DLGAP1: variants seen among roughly 807,000 people sequenced by gnomAD.
DLGAP1 encodes the protein disks large-associated protein 1.
Under a neutral mutation model 90.8 loss-of-function variants are expected in DLGAP1, and 11 were observed. The observed-to-expected ratio is 0.12, with a 90% CI of 0.08 to 0.20. The LOEUF (loss-of-function observed/expected upper bound fraction) is 0.20. DLGAP1 is among the 10% of genes least tolerant of loss of function. The probability of loss-of-function intolerance (pLI) is 1.00; values close to 1 mark genes in which losing one functional copy is unlikely to be tolerated. For missense variants in DLGAP1, 1,050 were observed against 1,333.8 expected, an observed-to-expected ratio of 0.79 and a Z score of 3.31; for synonymous variants, 558 against 540.7, an observed-to-expected ratio of 1.03 and a Z score of -0.44.
chr18:4,094,718 C>T (rs2075648586), intron 2 of DLGAP1, among the ~76,000 whole-genome samples: 1 of 151,504 alleles, frequency 6.6e-6, no homozygotes, highest in Non-Finnish European at 1.5e-5. Flanking sequence ...CTGCCTCAAC[C>T]TCCCAAGTAG....
chr18:4,259,495 G>A (rs2145252238), intron 1 of DLGAP1, among the ~76,000 whole-genome samples: 1 of 152,274 alleles, frequency 6.6e-6, no homozygotes, highest in South Asian at 2.1e-4. Context: ...GTAGACAGAA[G>A]ATTGTGATCT....
intron 1 of DLGAP1, among the ~76,000 whole-genome samples, chr18:4,359,249 T>C (rs2081584465): frequency 6.6e-6 from 1 of 152,162 alleles, no homozygotes; most frequent in South Asian, 2.1e-4. Context: ...CTCTCTGACT[T>C]CTCCTTCCTT....
chr18:3,512,361 CT>C (rs1259949442), intron 10 of DLGAP1, among the ~76,000 whole-genome samples: 7 of 152,216 alleles, frequency 4.6e-5, no homozygotes, highest in Admixed American at 4.6e-4. Flanking sequence ...CCCAGCTACT[CT>C]GTTAATCTGT....
At chr18:4,022,605 A>G (rs868308973) in intron 2 of DLGAP1, among the ~76,000 whole-genome samples, 1 of 152,192 alleles carries the variant, frequency 6.6e-6, no homozygotes, top group Non-Finnish European at 1.5e-5. Flanking sequence ...ATGCCATGCT[A>G]TTCATACATT....
At chr18:3,770,265 C>A (rs116644848) in intron 5 of DLGAP1, among the ~76,000 whole-genome samples, 1 of 152,094 alleles carries the variant, frequency 6.6e-6, no homozygotes. Context: ...TCAGTGCTGT[C>A]ACTGTGGGAG....
intron 7 of DLGAP1, among the ~76,000 whole-genome samples, chr18:3,708,758 G>A (rs2061514429): frequency 6.6e-6 from 1 of 152,222 alleles, no homozygotes; most frequent in Admixed American, 6.5e-5. Context: ...TTTTCTTGGA[G>A]AAAATAAATT....
At chr18:3,851,400 G>C (rs557874341) in intron 4 of DLGAP1, among the ~76,000 whole-genome samples, 3 of 152,278 alleles carry the variant, frequency 2.0e-5, no homozygotes, top group Admixed American at 6.5e-5. Flanking sequence ...GTTTGGTTCT[G>C]AGTCAGATGA....
intron 5 of DLGAP1, among the ~76,000 whole-genome samples, chr18:3,755,631 T>C (rs1157651470): frequency 6.6e-6 from 1 of 152,132 alleles, no homozygotes; most frequent in African/African-American, 2.4e-5. Context: ...CTTACAATTA[T>C]AAACATATGC....
intron 1 of DLGAP1, among the ~76,000 whole-genome samples, chr18:4,232,904 AG>A (rs2078330441): frequency 6.6e-6 from 1 of 152,186 alleles, no homozygotes; most frequent in South Asian, 2.1e-4. Flanking sequence ...TCTTGTACAC[AG>A]GTCAGCTCTC....
At chr18:4,056,754 G>A (rs1208467773) in intron 2 of DLGAP1, among the ~76,000 whole-genome samples, 2 of 152,040 alleles carry the variant, frequency 1.3e-5, no homozygotes, top group Non-Finnish European at 2.9e-5. Flanking sequence ...AAATACCTGG[G>A]GGACTGATTT....
chr18:4,074,717 G>A (rs978383994), intron 2 of DLGAP1, among the ~76,000 whole-genome samples: 1 of 152,032 alleles, frequency 6.6e-6, no homozygotes, highest in African/African-American at 2.4e-5. Context: ...AACCAATACC[G>A]TAAACTCCTA....
chr18:3,835,732 T>G (rs561027998), intron 4 of DLGAP1, among the ~76,000 whole-genome samples: 395 of 152,112 alleles, frequency 2.6e-3, no homozygotes, highest in Non-Finnish European at 3.9e-3. Context: ...ATTGCATATA[T>G]GAGGGCATCC....
chr18:3,868,198 G>C (rs547374644), intron 4 of DLGAP1, among the ~76,000 whole-genome samples: 2 of 152,314 alleles, frequency 1.3e-5, no homozygotes, highest in South Asian at 4.1e-4. Flanking sequence ...CGACTAGAAG[G>C]CTGGAGGAGT....
At chr18:3,834,028 C>T (rs924737955) in intron 4 of DLGAP1, among the ~76,000 whole-genome samples, 18 of 152,034 alleles carry the variant, frequency 1.2e-4, no homozygotes, top group Admixed American at 3.3e-4. Flanking sequence ...ATTTATGGGC[C>T]GGGCGTGGTG....
At chr18:4,339,888 C>T (rs935514381) in intron 1 of DLGAP1, among the ~76,000 whole-genome samples, 14 of 152,138 alleles carry the variant, frequency 9.2e-5, no homozygotes, top group Non-Finnish European at 1.8e-4. Flanking sequence ...AATGTCAAGT[C>T]TACTGAAGAT....
At chr18:3,632,689 T>C (rs1023778206) in intron 7 of DLGAP1, among the ~76,000 whole-genome samples, 1 of 152,218 alleles carries the variant, frequency 6.6e-6, no homozygotes, top group Non-Finnish European at 1.5e-5. Context: ...TGGTTATTTT[T>C]GACAGTGAGA....
At chr18:3,680,807 G>C (rs1211648014) in intron 7 of DLGAP1, among the ~76,000 whole-genome samples, 1 of 121,378 alleles carries the variant, frequency 8.2e-6, no homozygotes, top group Admixed American at 8.2e-5. Flanking sequence ...AAAAAAAAAA[G>C]GAGGAAAAAT....
chr18:3,542,429 G>A (rs2052745041), intron 9 of DLGAP1, among the ~76,000 whole-genome samples: 4 of 152,190 alleles, frequency 2.6e-5, no homozygotes, highest in African/African-American at 7.2e-5. Context: ...TCTAGGAAAA[G>A]TGTTCTCTTC....
At chr18:3,682,126 A>AT (rs1234274321) in intron 7 of DLGAP1, among the ~76,000 whole-genome samples, 2,670 of 121,418 alleles carry the variant, frequency 0.022, 104 homozygotes, top group African/African-American at 0.1. Flanking sequence ...CAAAAAAAAA[A>AT]AAAATAAAAA....
Sources: allele counts gnomAD v4.1 joint callset (sites outside exome capture counted in the v4.1 genomes callset), GRCh38; gene constraint gnomAD v4.1.1; transcripts MANE v1.5; gene names NCBI Gene and HGNC (gene_info 2026-07-23, HGNC 2026-07-21).